Variants in CPVL observed in about 807,000 individuals in gnomAD.
CPVL encodes the protein carboxypeptidase vitellogenic like.
CPVL carries 51 observed loss-of-function variants against 63.7 expected under a neutral mutation model. The ratio of observed to expected loss-of-function variants is 0.80; its 90% confidence interval spans 0.64 to 1.01. The LOEUF (loss-of-function observed/expected upper bound fraction) is 1.01, where lower values mean the gene tolerates loss of function less well. Ranked by LOEUF, CPVL falls within the 50% of genes least tolerant of loss-of-function variation. CPVL has a pLI of 0.00. For missense variants in CPVL, 530 were observed against 573.1 expected (o/e 0.92, Z 0.77); for synonymous variants, 195 against 206.0 (o/e 0.95, Z 0.46).
chr7:29,162,592 C>T (rs1002374714), intron 5 of CPVL, among the ~76,000 whole-genome samples: 12 of 146,140 alleles, frequency 8.2e-5, no homozygotes, highest in Middle Eastern at 3.6e-3. Context: ...ACCCGGAAGG[C>T]GGAAGTTGCA....
chr7:29,027,031 C>T (rs540300909), intron 12 of CPVL, among the ~76,000 whole-genome samples: 1 of 152,088 alleles, frequency 6.6e-6, no homozygotes, highest in Non-Finnish European at 1.5e-5. Flanking sequence ...CAAGGACACA[C>T]ACAAGAAGAA....
intron 1 of CPVL, among the ~76,000 whole-genome samples, chr7:29,136,075 C>T (rs906764140): frequency 5.3e-5 from 8 of 152,138 alleles, no homozygotes; most frequent in African/African-American, 1.9e-4. Context: ...GAAGTGAAAT[C>T]ACAGAATAAC....
At position 28,996,236 on chromosome 7, in the gene CPVL, G is replaced by GC. The variant is rs552538747; in HGVS notation, c.1321-355dup. 19 of 184,028 alleles carry GC rather than the reference G, an allele frequency of 1.0e-4. No homozygotes were observed. In the East Asian group the frequency reaches 3.2e-3, roughly 31 times the overall value. The allele number at this position is 184,028 out of a possible 1,614,324, so 11.4% of individuals were successfully genotyped here. A position where few individuals can be genotyped will look rare whatever the true frequency, so the allele number is the denominator to read the frequency against. On this transcript the variant is annotated intron_variant, in intron 12 of 12. Transcript: ENST00000265394. ...TGTTACCTGGTGAGGCCCACCTCCA[G>GC]CCCACTACTTCTGGGGTATGTGAGG...
At chr7:29,108,595 T>A (rs1202454074) in intron 3 of CPVL, among the ~76,000 whole-genome samples, 2 of 152,198 alleles carry the variant, frequency 1.3e-5, no homozygotes. Flanking sequence ...TGTTAATAAT[T>A]TTAAAAGTAA....
intron 11 of CPVL, among the ~76,000 whole-genome samples, chr7:29,039,908 C>A (rs187649988): frequency 6.6e-6 from 1 of 152,078 alleles, no homozygotes; most frequent in Non-Finnish European, 1.5e-5. Flanking sequence ...ACTTTGCAGA[C>A]AAAGTTATGC....
At chr7:29,095,608 A>G (rs1584248247) in intron 4 of CPVL, among the ~76,000 whole-genome samples, 1 of 151,746 alleles carries the variant, frequency 6.6e-6, no homozygotes, top group African/African-American at 2.4e-5. Flanking sequence ...AAAAAAAAAA[A>G]CAAAATGAGA....
rs140696981 is a variant in CPVL at position 29,079,671 on chromosome 7, A to G, written c.609+6813T>C. On this transcript the variant is annotated intron_variant, in intron 7 of 12. Coordinates refer to ENST00000265394, the MANE Select transcript of CPVL (RefSeq NM_031311.5). ...TCACTTCTAGCCATCAAATTACATG[A>G]TCCCAAGCCCAGGCTAACAGGATGA... 8.8e-3 allele frequency among the ~76,000 whole-genome samples: 1,348 copies of G among 152,340 alleles called. 17 individuals carry two copies. Among genetic ancestry groups the G allele is most frequent in the African/African-American group, 0.03 (1,263 of 41,582 alleles).
rs143679883 is a variant in CPVL at position 29,159,082 on chromosome 7, G to A, written c.-11+22208C>T. On this transcript the variant is annotated intron_variant, in intron 5 of 16. Coordinates refer to the CPVL transcript ENST00000409850. ...CATTTTAAAGCCCATTAAGTCATTA[G>A]GTGGCTCTTCAGTGTTTTCCTAATG... Among the ~76,000 whole-genome samples the A allele has an allele frequency of 2.0e-3, 310 of 152,314 alleles. 4 individuals are homozygous for A. The highest frequency in any genetic ancestry group is 6.8e-3 in the African/African-American group (283 of 41,562).
At chr7:29,178,591 T>A (rs1044839337) in intron 5 of CPVL, among the ~76,000 whole-genome samples, 3 of 152,182 alleles carry the variant, frequency 2.0e-5, no homozygotes, top group Non-Finnish European at 2.9e-5. Flanking sequence ...TTTTCAGCAT[T>A]TGAAGTTATC....
intron 12 of CPVL, among the ~76,000 whole-genome samples, chr7:29,020,557 A>G (rs760566527): frequency 4.6e-5 from 7 of 152,146 alleles, no homozygotes; most frequent in Non-Finnish European, 7.3e-5. Flanking sequence ...AACTTATCCA[A>G]ACCCTCTCAA....
chr7:29,146,950 C>G, upstream of CPVL: 2 of 1,551,124 alleles, frequency 1.3e-6, no homozygotes, highest in South Asian at 1.2e-5. Flanking sequence ...TACATTCCAG[C>G]TGCACTAGCA....
intron 9 of CPVL, among the ~76,000 whole-genome samples, chr7:29,067,539 C>T (rs993169487): frequency 3.9e-5 from 6 of 151,990 alleles, no homozygotes; most frequent in East Asian, 1.9e-4. Context: ...GAACAGCCCC[C>T]ACTCAAGAGG....
chr7:29,073,349 A>AC (rs1783936428), intron 7 of CPVL, among the ~76,000 whole-genome samples: 1 of 151,946 alleles, frequency 6.6e-6, no homozygotes, highest in Non-Finnish European at 1.5e-5. Flanking sequence ...TCTTCTCACA[A>AC]CCCCTTCTCC....
intron 11 of CPVL, among the ~76,000 whole-genome samples, chr7:29,046,314 G>C (rs1789607093): frequency 6.6e-6 from 1 of 152,020 alleles, no homozygotes; most frequent in Non-Finnish European, 1.5e-5. Flanking sequence ...TCAAACTCCT[G>C]ACCTTGTGAT....
chr7:29,194,506 C>T (rs531786584), intron 1 of CPVL: 195 of 166,420 alleles, frequency 1.2e-3, no homozygotes, highest in African/African-American at 4.5e-3. Flanking sequence ...GCCCGGTCTA[C>T]TCGAAGTGCG....
intron 11 of CPVL, among the ~76,000 whole-genome samples, chr7:29,034,853 G>GAA (rs60558791): frequency 1.9e-4 from 23 of 123,978 alleles, no homozygotes; most frequent in Admixed American, 3.3e-4. Context: ...TTTTATAATG[G>GAA]AAAAAAAAAA....
intron 2 of CPVL, among the ~76,000 whole-genome samples, chr7:29,113,356 T>A (rs2128631890): frequency 6.6e-6 from 1 of 152,002 alleles, no homozygotes; most frequent in East Asian, 1.9e-4. Flanking sequence ...TGTGGGTGGC[T>A]GTGGACATTG....
intron 11 of CPVL, among the ~76,000 whole-genome samples, chr7:29,044,922 T>G (rs954252575): frequency 1.3e-5 from 2 of 152,254 alleles, no homozygotes; most frequent in African/African-American, 4.8e-5. Context: ...TAACTCTAGA[T>G]GAAATTCTAC....
At chr7:29,063,320 G>A (rs922504627) in intron 11 of CPVL, among the ~76,000 whole-genome samples, 2 of 152,182 alleles carry the variant, frequency 1.3e-5, no homozygotes, top group Admixed American at 1.3e-4. Flanking sequence ...CACTGTGATT[G>A]GGTAAAGTGA....
Sources: gnomAD v4.1 joint callset for allele counts (sites outside exome capture counted in the v4.1 genomes callset) on GRCh38, gnomAD v4.1.1 for gene constraint, MANE v1.5 for transcripts, NCBI Gene and HGNC (gene_info 2026-07-23, HGNC 2026-07-21) for gene names.